PARVB: variants seen among roughly 807,000 people sequenced by gnomAD.
The protein encoded by PARVB is beta-parvin.
Under a neutral mutation model 47.0 loss-of-function variants are expected in PARVB, and 46 were observed. That is an observed-to-expected ratio of 0.98 (90% confidence interval 0.77 to 1.25). PARVB has a LOEUF of 1.25. Among genes scored for constraint, PARVB ranks in the 50% most tolerant of loss-of-function variants. The probability of loss-of-function intolerance (pLI) is 0.00; values close to 1 mark genes in which losing one functional copy is unlikely to be tolerated. For missense variants in PARVB, 473 were observed against 471.6 expected, an observed-to-expected ratio of 1.00 and a Z score of -0.03; for synonymous variants, 196 against 196.3, an observed-to-expected ratio of 1.00 and a Z score of 0.01.
rs187566862 is a variant in PARVB at position 44,059,021 on chromosome 22, G to A, written c.112+34570G>A. ...AAGCAGAGTTGATTGTATCTTCTTA[G>A]TTCTGCACACCCTGTGGCTTTTTTT... is the stretch of plus-strand genomic sequence containing the variant. On this transcript the variant is annotated intron_variant, in intron 1 of 12. Transcript: ENST00000338758. 1.3e-3 allele frequency among the ~76,000 whole-genome samples: 185 copies of A among 137,516 alleles called. 1 individual carries two copies. Among genetic ancestry groups the A allele is most frequent in the Non-Finnish European group, 2.2e-3 (140 of 65,092 alleles). 90.2% of individuals were successfully genotyped at this position (137,516 alleles called of 152,430 possible).
chr22:44,133,085 C>T, intron 6 of PARVB, 76 bp downstream of exon 6: 1 of 921,012 alleles, frequency 1.1e-6, no homozygotes. Context: ...GTTTTCCTGC[C>T]CTCCCCCTCC....
At chr22:44,140,516 G>A (rs755376133) in intron 8 of PARVB, 8 of 574,860 alleles carry the variant, frequency 1.4e-5, no homozygotes, top group African/African-American at 1.3e-4. Context: ...TAGCTGGCTG[G>A]AAGAGAGTGG....
intron 3 of PARVB, among the ~76,000 whole-genome samples, chr22:44,101,273 G>T (rs2052438057): frequency 6.6e-6 from 1 of 151,968 alleles, no homozygotes; most frequent in Non-Finnish European, 1.5e-5. Flanking sequence ...GCCGGGCGAG[G>T]TGGCGGGCAC....
At chr22:44,039,234 TTAGA>T (rs1601512580) in intron 1 of PARVB, among the ~76,000 whole-genome samples, 2 of 152,092 alleles carry the variant, frequency 1.3e-5, no homozygotes. Flanking sequence ...CCAGTAAATC[TTAGA>T]TAGATTTGCT....
At chr22:44,046,605 A>G (rs899654744) in intron 1 of PARVB, among the ~76,000 whole-genome samples, 1 of 152,256 alleles carries the variant, frequency 6.6e-6, no homozygotes, top group Non-Finnish European at 1.5e-5. Flanking sequence ...ACAATCATTG[A>G]GCCTCGGCAG....
intron 1 of PARVB, among the ~76,000 whole-genome samples, chr22:44,076,262 G>A (rs1156536675): frequency 1.1e-4 from 17 of 152,234 alleles, no homozygotes; most frequent in Admixed American, 1.1e-3. Context: ...CTGATTTGGG[G>A]GATGCCTGTC....
At chr22:44,022,185 T>A (rs2050658061), upstream of PARVB, among the ~76,000 whole-genome samples, 2 of 152,102 alleles carry the variant, frequency 1.3e-5, no homozygotes, top group South Asian at 4.1e-4. Context: ...CTCTCCAAAC[T>A]GTGAGAGAAG....
upstream of PARVB, among the ~76,000 whole-genome samples, chr22:44,020,476 C>T (rs1237877762): frequency 2.0e-5 from 3 of 152,200 alleles, no homozygotes; most frequent in East Asian, 5.8e-4. Context: ...ATCCAGCCAC[C>T]TGCCACCACT....
intron 1 of PARVB, among the ~76,000 whole-genome samples, chr22:44,025,103 C>T (rs1185091627): frequency 6.6e-6 from 1 of 152,016 alleles, no homozygotes; most frequent in Non-Finnish European, 1.5e-5. Flanking sequence ...CTGGGAGATA[C>T]ATTCTGGAAT....
chr22:44,084,091 G>A (rs973290616), intron 1 of PARVB, among the ~76,000 whole-genome samples: 1 of 152,216 alleles, frequency 6.6e-6, no homozygotes, highest in Non-Finnish European at 1.5e-5. Context: ...GCTCTGTATA[G>A]TGGTAAGATG....
chr22:44,035,661 G>A (rs1010477375), intron 1 of PARVB, among the ~76,000 whole-genome samples: 5 of 152,064 alleles, frequency 3.3e-5, no homozygotes, highest in Non-Finnish European at 7.4e-5. Context: ...GTGAGCCACC[G>A]CGCCCGTCCG....
upstream of PARVB, chr22:44,024,222 AGGGGCGGGGGCGGGACC>A (rs1603424105): frequency 1.1e-5 from 4 of 368,166 alleles, no homozygotes; most frequent in South Asian, 3.2e-4. Context: ...GCTCCAGGCC[AGGGGCGGGGGCGGGACC>A]GGGGCGGGGG....
intron 9 of PARVB, chr22:44,148,316 T>C (rs2053731421): frequency 3.4e-6 from 1 of 291,132 alleles, no homozygotes; most frequent in African/African-American, 2.2e-5. Context: ...GTGCCATACA[T>C]GGATTTGGCC....
intron 1 of PARVB, among the ~76,000 whole-genome samples, chr22:44,045,941 A>G (rs757099993): frequency 1.1e-4 from 16 of 152,256 alleles, no homozygotes; most frequent in East Asian, 3.9e-4. Flanking sequence ...GTGATTTTCT[A>G]TTTCTGCAAC....
intron 12 of PARVB, among the ~76,000 whole-genome samples, chr22:44,165,172 C>G (rs1171221762): frequency 6.6e-6 from 1 of 152,124 alleles, no homozygotes; most frequent in Admixed American, 6.5e-5. Flanking sequence ...TTTAACTTTT[C>G]TTTTTTGTAG....
chr22:44,124,414 G>T (rs1164184566), intron 4 of PARVB, among the ~76,000 whole-genome samples: 1 of 152,194 alleles, frequency 6.6e-6, no homozygotes, highest in Non-Finnish European at 1.5e-5. Context: ...TCTCTCTGGG[G>T]TTTCTTTTCT....
chr22:44,065,971 T>C (rs1370878201), intron 1 of PARVB, among the ~76,000 whole-genome samples: 1 of 152,140 alleles, frequency 6.6e-6, no homozygotes, highest in East Asian at 1.9e-4. Flanking sequence ...GCTATAAACG[T>C]GTGTGAAGTA....
In PARVB at chr22:44,004,296, GAGCTCCCCGCAACTGA is replaced by G. The variant is rs556716645; in HGVS notation, c.211+4626_211+4641del. On this transcript the variant is annotated intron_variant, in intron 2 of 13. Coordinates refer to the PARVB transcript ENST00000406477. ...GCGCGAAGTCAGTGAGGACCCTTTT[GAGCTCCCCGCAACTGA>G]AGAAGGAATTAATAAAATCAACTAT... Among the ~76,000 whole-genome samples the G allele has an allele frequency of 9.4e-3, 1,425 of 152,312 alleles. 11 individuals are homozygous for G. Among genetic ancestry groups the G allele is most frequent in the Non-Finnish European group, 0.015 (1,011 of 68,016 alleles).
rs1030297958 is a variant in PARVB at position 44,103,063 on chromosome 22, T to C, written c.273+2940T>C. 3.9e-5 allele frequency: 6 copies of C among 152,400 alleles called. No individual in the cohort carries two copies. The highest frequency in any genetic ancestry group is 7.3e-5 in the Non-Finnish European group (5 of 68,192). The allele number at this position is 152,400 out of a possible 1,614,324, so 9.4% of individuals were successfully genotyped here. On this transcript the variant is annotated intron_variant, in intron 3 of 12. Coordinates refer to ENST00000338758, the MANE Select transcript of PARVB (RefSeq NM_013327.5). This position sits in a 1 kb window ranked among gnomAD's most constrained non-coding sequence, Gnocchi z 4.6. ...TTATGTTCCTCCTGGATGTCTGCAG[T>C]GCCACCCACCCCTGCCTTTGCTGCT... is the stretch of plus-strand genomic sequence containing the variant.
Sources: gnomAD v4.1 joint callset for allele counts (sites outside exome capture counted in the v4.1 genomes callset) on GRCh38, gnomAD v4.1.1 for gene constraint, Gnocchi (gnomAD v3.1) non-coding constraint, MANE v1.5 for transcripts, NCBI Gene and HGNC (gene_info 2026-07-23, HGNC 2026-07-21) for gene names.